The following CCDC171 variants were observed in gnomAD, a reference collection of about 807,000 sequenced individuals.
CCDC171 encodes coiled-coil domain containing 171.
Under a neutral mutation model 168.2 loss-of-function variants are expected in CCDC171, and 177 were observed. That is an observed-to-expected ratio of 1.05 (90% CI 0.93 to 1.19). CCDC171 has a LOEUF of 1.19. CCDC171 is among the 50% of genes most tolerant of loss of function. The pLI is 0.00. For missense variants in CCDC171, 1,991 were observed against 1,539.0 expected, an observed-to-expected ratio of 1.29 and a Z score of -4.91; for synonymous variants, 687 against 540.8, an observed-to-expected ratio of 1.27 and a Z score of -3.75.
the CCDC171 span, among the ~76,000 whole-genome samples, chr9:16,106,070 G>T: frequency 6.6e-6 from 1 of 152,168 alleles, no homozygotes; most frequent in East Asian, 1.9e-4. Context: ...GTCCTATTGA[G>T]TTATGAATGA....
chr9:15,643,568 A>G lies in CCDC171; in HGVS notation c.823-13559A>G, dbSNP rs141235453. 1.1e-3 allele frequency among the ~76,000 whole-genome samples: 175 copies of G among 152,286 alleles called. 1 individual carries two copies. The highest frequency in any genetic ancestry group is 3.8e-3 in the African/African-American group (157 of 41,572). ...GGATTCTTTATTTTTCAATTGAGAT[A>G]TACTTCACATATCATAAAACTCACC... On this transcript the variant is annotated intron_variant, in intron 7 of 25. Transcript: ENST00000380701.
In CCDC171 at chr9:15,743,788, A is replaced by G. The variant is rs142893128; in HGVS notation, c.2050-485A>G. On this transcript the variant is annotated intron_variant, in intron 16 of 25. Coordinates refer to ENST00000380701, the MANE Select transcript of CCDC171 (RefSeq NM_173550.4). The stretch of plus-strand genomic sequence containing the variant: ...AGTGCCTTCTCATGCAGTAAATGGT[A>G]GACCATGCTATTTGTTATATCATTG... 4.2e-3 allele frequency among the ~76,000 whole-genome samples: 647 copies of G among 152,312 alleles called. 1 individual carries two copies. Among genetic ancestry groups the G allele is most frequent in the African/African-American group, 0.014 (583 of 41,556 alleles).
At chr9:15,711,418 A>G (rs1588092706) in intron 11 of CCDC171, among the ~76,000 whole-genome samples, 1 of 152,158 alleles carries the variant, frequency 6.6e-6, no homozygotes, top group Non-Finnish European at 1.5e-5. Context: ...GTTTAACACT[A>G]TCATATTTGT....
At chr9:15,849,311 C>CTA (rs967516481) in intron 23 of CCDC171, among the ~76,000 whole-genome samples, 24 of 150,434 alleles carry the variant, frequency 1.6e-4, no homozygotes, top group East Asian at 9.7e-4. Context: ...ACCAATGGTC[C>CTA]TATATATATA....
chr9:15,985,448 G>A (rs1435138619), intron 3 of CCDC171, among the ~76,000 whole-genome samples: 2 of 152,148 alleles, frequency 1.3e-5, no homozygotes, highest in African/African-American at 4.8e-5. Context: ...TCTGGGTTTT[G>A]AGTTTCTCAT....
At chr9:15,728,159 A>T in intron 15 of CCDC171, 123 bp downstream of exon 15, 3 of 726,380 alleles carry the variant, frequency 4.1e-6, no homozygotes, top group South Asian at 2.3e-5. Context: ...TAATAATTCA[A>T]TACCATTAAT....
intron 25 of CCDC171, among the ~76,000 whole-genome samples, chr9:15,967,645 G>A (rs547127161): frequency 6.6e-6 from 1 of 152,096 alleles, no homozygotes; most frequent in African/African-American, 2.4e-5. Flanking sequence ...TCATTTGGAT[G>A]GACTAATTTA....
At chr9:15,923,369 T>C (rs894385911) in intron 25 of CCDC171, among the ~76,000 whole-genome samples, 1 of 151,196 alleles carries the variant, frequency 6.6e-6, no homozygotes, top group East Asian at 1.9e-4. Flanking sequence ...GATGAATCTG[T>C]AGGACATTAT....
At chr9:15,569,766 G>C (rs1345013022) in intron 2 of CCDC171, among the ~76,000 whole-genome samples, 1 of 150,730 alleles carries the variant, frequency 6.6e-6, no homozygotes, top group African/African-American at 2.4e-5. Flanking sequence ...AGTGAGCCGA[G>C]ATCGTGCCAC....
the CCDC171 span, among the ~76,000 whole-genome samples, chr9:16,107,153 A>G: frequency 6.6e-5 from 10 of 152,060 alleles, no homozygotes; most frequent in Non-Finnish European, 1.3e-4. Context: ...ACCCTCATAT[A>G]TGAATTTTCT....
At chr9:15,785,590 G>A (rs112296535) in intron 21 of CCDC171, among the ~76,000 whole-genome samples, 3 of 151,418 alleles carry the variant, frequency 2.0e-5, no homozygotes, top group Non-Finnish European at 2.9e-5. Context: ...AAAACACTTA[G>A]GTACTCCTCA....
intron 18 of CCDC171, among the ~76,000 whole-genome samples, chr9:15,759,617 G>A (rs568772879): frequency 6.6e-6 from 1 of 152,094 alleles, no homozygotes; most frequent in African/African-American, 2.4e-5. Flanking sequence ...CTTGAAGATT[G>A]CAGGCTAGTT....
chr9:15,998,548 C>T lies in CCDC171; in HGVS notation n.369-22041C>T, dbSNP rs1463887793. Among the ~76,000 whole-genome samples the T allele has an allele frequency of 2.6e-5, 4 of 152,188 alleles. No individual in the cohort carries two copies. The East Asian group carries it at 7.7e-4, about 29-fold the overall frequency. Reference sequence around the variant, plus strand: ...CTTTGAGACTAAACTATTAGTCTTTCCAGGATAGCAGAGGATCAATATAGT... The same window carrying T: ...CTTTGAGACTAAACTATTAGTCTTTTCAGGATAGCAGAGGATCAATATAGT... On this transcript the variant is annotated intron_variant and non_coding_transcript_variant, in intron 3 of 9. Coordinates refer to the CCDC171 transcript ENST00000486641.
At chr9:15,999,965 A>G (rs756114897) in intron 3 of CCDC171, among the ~76,000 whole-genome samples, 1 of 152,142 alleles carries the variant, frequency 6.6e-6, no homozygotes, top group Non-Finnish European at 1.5e-5. Context: ...ATCCTATGAG[A>G]TTTTTATGTA....
chr9:16,019,831 A>C (rs1003470909), intron 3 of CCDC171, among the ~76,000 whole-genome samples: 1 of 152,208 alleles, frequency 6.6e-6, no homozygotes, highest in Non-Finnish European at 1.5e-5. Context: ...TTTCAAGGGT[A>C]TCAAAGGGAA....
At chr9:15,800,877 C>T (rs943869335) in intron 21 of CCDC171, among the ~76,000 whole-genome samples, 1 of 152,070 alleles carries the variant, frequency 6.6e-6, no homozygotes, top group Admixed American at 6.6e-5. Flanking sequence ...ACTATCTTTT[C>T]CCAAGTTTAT....
chr9:15,705,862 T>G (rs1470824590), intron 11 of CCDC171, among the ~76,000 whole-genome samples: 1 of 152,206 alleles, frequency 6.6e-6, no homozygotes, highest in African/African-American at 2.4e-5. Context: ...CGAATATGAA[T>G]AAAAATATGA....
chr9:15,932,483 A>G (rs191664230), intron 25 of CCDC171, among the ~76,000 whole-genome samples: 103 of 151,980 alleles, frequency 6.8e-4, no homozygotes, highest in African/African-American at 2.3e-3. Context: ...TACTGAATTC[A>G]TTTATTACTT....
chr9:15,993,880 C>T (rs1311141824), intron 3 of CCDC171, among the ~76,000 whole-genome samples: 4 of 152,150 alleles, frequency 2.6e-5, no homozygotes, highest in African/African-American at 7.2e-5. Flanking sequence ...ATCGAAACCA[C>T]AATGAGATAC....
Sources: allele counts gnomAD v4.1 joint callset (sites outside exome capture counted in the v4.1 genomes callset), GRCh38; gene constraint gnomAD v4.1.1; transcripts MANE v1.5; gene names NCBI Gene and HGNC (gene_info 2026-07-23, HGNC 2026-07-21).